NBEA: variants seen among roughly 807,000 people sequenced by gnomAD.
NBEA encodes the protein neurobeachin.
Under a neutral mutation model 343.4 loss-of-function variants are expected in NBEA, and 44 were observed. The observed-to-expected ratio is 0.13, with a 90% CI of 0.10 to 0.16. NBEA has a LOEUF of 0.16. Among genes scored for constraint, NBEA ranks in the 10% least tolerant of loss-of-function variants. NBEA has a pLI of 1.00. For missense variants in NBEA, 2,555 were observed against 3,631.3 expected (o/e 0.70, Z 7.62); for synonymous variants, 1,175 against 1,238.7 (o/e 0.95, Z 1.08).
chr13:35,476,186 T>C (rs375842736), intron 41 of NBEA: 1 of 1,611,530 alleles, frequency 6.2e-7, no homozygotes, highest in Non-Finnish European at 8.5e-7. Context: ...CAGTAAGCTG[T>C]GGGATCCAAT....
chr13:35,596,981 G>T (rs555149455), intron 47 of NBEA, among the ~76,000 whole-genome samples: 1 of 151,974 alleles, frequency 6.6e-6, no homozygotes, highest in Non-Finnish European at 1.5e-5. Context: ...CGTCTGGATC[G>T]GATTTGATTT....
Position 35,232,553 on chromosome 13 carries a change from G to T in NBEA, c.5710G>T (p.Val1904Leu), listed in dbSNP as rs866873763. 6.4e-7 allele frequency: 1 copy of T among 1,554,828 alleles called. No individual in the cohort carries two copies. The highest frequency in any genetic ancestry group is 8.7e-7 in the Non-Finnish European group (1 of 1,147,878). The stretch of plus-strand genomic sequence containing the variant: ...TGCTCCTCTTCTTCGTGAAATTTTT[G>T]TAGACTTTGCCCCATTCCTATCTCG... ...KVAPLLREIF[V>L]DFAPFLSRTL... The change falls in exon 34 of 59, where the codon GTA becomes TTA. Residue 1904 changes from valine (V) to leucine (L), a missense_variant. Val to Leu is a conservative substitution (Grantham distance 32). Around this residue, in one of 21 missense-constraint regions of NBEA, gnomAD observed 84 missense variants for 196.4 expected, o/e 0.43. Coordinates refer to ENST00000379939, the MANE Select transcript of NBEA (RefSeq NM_001385012.1).
intron 6 of NBEA, among the ~76,000 whole-genome samples, chr13:35,054,643 C>CTTTTTTTTTTTTTT (rs1186551019): frequency 5.1e-5 from 6 of 117,452 alleles, no homozygotes; most frequent in African/African-American, 9.4e-5. Context: ...GTTTTCTTTT[C>CTTTTTTTTTTTTTT]TTTTTTTTTT....
intron 33 of NBEA, among the ~76,000 whole-genome samples, chr13:35,230,852 T>C (rs1050300642): frequency 7.9e-5 from 12 of 151,996 alleles, no homozygotes; most frequent in African/African-American, 2.7e-4. Flanking sequence ...GAATTTGTAC[T>C]TCTAACAAAT....
At chr13:35,371,913 G>A (rs2041454766) in intron 38 of NBEA, among the ~76,000 whole-genome samples, 1 of 152,178 alleles carries the variant, frequency 6.6e-6, no homozygotes, top group Non-Finnish European at 1.5e-5. Flanking sequence ...CAGCAGCTTA[G>A]GGTGTAGTTG....
At position 35,208,716 on chromosome 13, in the gene NBEA, G is replaced by A; in HGVS notation, c.5383G>A (p.Val1795Ile). The A allele has an allele frequency of 6.3e-7, 1 of 1,598,730 alleles. No homozygotes were observed. Among genetic ancestry groups the A allele is most frequent in the Non-Finnish European group, 8.5e-7 (1 of 1,171,420 alleles). Residue 1795 changes from valine (V) to isoleucine (I), a missense_variant, in exon 32 of 59, where the codon GTA becomes ATA. This residue lies in a region of NBEA where 270 missense variants were observed against 293.3 expected (regional missense o/e 0.92). Coordinates refer to ENST00000379939, the MANE Select transcript of NBEA (RefSeq NM_001385012.1). ...TCTTTGCAGGAGTGTTGTGGTGCCT[G>A]TAAAGAAACCACCTCCAGGTAGTTT... is the stretch of plus-strand genomic sequence containing the variant. ...HSFDRSVVVP[V>I]KKPPPGSLAV...
chr13:35,338,244 C>T (rs2152854648), intron 36 of NBEA, among the ~76,000 whole-genome samples: 1 of 151,466 alleles, frequency 6.6e-6, no homozygotes, highest in African/African-American at 2.4e-5. Flanking sequence ...ACTCAAATCA[C>T]TAAAATCGGG....
chr13:35,341,645 C>T (rs189402490), intron 36 of NBEA, among the ~76,000 whole-genome samples: 52 of 152,154 alleles, frequency 3.4e-4, no homozygotes, highest in Middle Eastern at 6.8e-3. Context: ...TGAAAAGATT[C>T]TCAGAAATGC....
intron 34 of NBEA, among the ~76,000 whole-genome samples, chr13:35,256,854 G>T (rs1257156917): frequency 6.6e-6 from 1 of 152,240 alleles, no homozygotes; most frequent in Non-Finnish European, 1.5e-5. Context: ...GCCTGTGGGG[G>T]CAAGGGCTTC....
intron 10 of NBEA, among the ~76,000 whole-genome samples, chr13:35,093,533 G>C (rs1380268463): frequency 6.6e-6 from 1 of 151,918 alleles, no homozygotes; most frequent in Non-Finnish European, 1.5e-5. Context: ...GTTGGGGCTT[G>C]GGTGAAAGTG....
At chr13:35,081,464 T>C (rs892580434) in intron 10 of NBEA, among the ~76,000 whole-genome samples, 2 of 151,976 alleles carry the variant, frequency 1.3e-5, no homozygotes, top group African/African-American at 2.4e-5. Context: ...TTTTTTGAAC[T>C]TTTTTTCATA....
chr13:35,114,652 G>T (rs1272574993), intron 13 of NBEA, among the ~76,000 whole-genome samples: 1 of 152,032 alleles, frequency 6.6e-6, no homozygotes, highest in Non-Finnish European at 1.5e-5. Flanking sequence ...TAGAACCCTT[G>T]CCCCTGAGGC....
chr13:35,385,736 T>G (rs2042216047), intron 38 of NBEA, among the ~76,000 whole-genome samples: 1 of 152,098 alleles, frequency 6.6e-6, no homozygotes, highest in South Asian at 2.1e-4. Context: ...AAATAAAACA[T>G]GTTAACTGGA....
At chr13:35,407,387 A>C (rs550800686) in intron 38 of NBEA, among the ~76,000 whole-genome samples, 1 of 152,158 alleles carries the variant, frequency 6.6e-6, no homozygotes, top group Non-Finnish European at 1.5e-5. Context: ...ACAAAAAGCA[A>C]CAGCTAAATT....
chr13:35,485,286 C>T (rs1215027807), intron 41 of NBEA, among the ~76,000 whole-genome samples: 1 of 151,860 alleles, frequency 6.6e-6, no homozygotes, highest in African/African-American at 2.4e-5. Context: ...GAGAACTGTC[C>T]TCTCCATCTT....
intron 47 of NBEA, among the ~76,000 whole-genome samples, chr13:35,604,662 G>A (rs768408614): frequency 1.2e-4 from 18 of 152,000 alleles, no homozygotes; most frequent in Non-Finnish European, 1.3e-4. Context: ...TCCAAACAGC[G>A]TATCCTTCAT....
Position 35,159,323 on chromosome 13 carries a change from A to G in NBEA, c.3152A>G (p.Glu1051Gly). 1 of 1,613,638 alleles carries G rather than the reference A, an allele frequency of 6.2e-7. No homozygotes were observed. The highest frequency in any genetic ancestry group is 8.5e-7 in the Non-Finnish European group (1 of 1,179,692). ...SDRPGSGVHVEVHDLLVDIKA... is the reference protein window; with the variant it reads ...SDRPGSGVHVGVHDLLVDIKA... ...AGACCAGGAAGTGGTGTACATGTGG[A>G]AGTACATGATCTTTTAGTAGATATA... Residue 1051 changes from glutamate (E) to glycine (G), a missense_variant, in exon 22 of 59, where the codon GAA becomes GGA. Physicochemically the swap from Glu to Gly is moderately conservative, Grantham distance 98. This residue lies in a region of NBEA where 367 missense variants were observed against 377.5 expected (regional missense o/e 0.97). Transcript: ENST00000379939.
intron 41 of NBEA, among the ~76,000 whole-genome samples, chr13:35,481,106 C>G (rs2076102889): frequency 2.0e-5 from 3 of 151,896 alleles, no homozygotes; most frequent in South Asian, 2.1e-4. Context: ...TGATAAAGGC[C>G]TTTGCCTCAG....
At chr13:35,636,944 A>G (rs755826087) in intron 49 of NBEA, among the ~76,000 whole-genome samples, 29 of 152,362 alleles carry the variant, frequency 1.9e-4, no homozygotes, top group Non-Finnish European at 3.8e-4. Flanking sequence ...ATGAGACTCT[A>G]CAGCCTTTCC....
Sources: allele counts gnomAD v4.1 joint callset (sites outside exome capture counted in the v4.1 genomes callset), GRCh38; gene constraint gnomAD v4.1.1; regional missense constraint gnomAD v4.1.1; transcripts MANE v1.5; gene names NCBI Gene and HGNC (gene_info 2026-07-23, HGNC 2026-07-21).